The following SUSD4 variants were observed in gnomAD, a reference collection of about 807,000 sequenced individuals.
SUSD4 encodes the protein sushi domain-containing protein 4.
A neutral mutation model predicts 50.5 loss-of-function variants in SUSD4; 41 were observed. That is an observed-to-expected ratio of 0.81 (90% CI 0.63 to 1.05). The LOEUF (loss-of-function observed/expected upper bound fraction) is 1.05. SUSD4 is among the 50% of genes least tolerant of loss of function. The pLI is 0.00. For synonymous variants in SUSD4, 257 were observed against 257.3 expected, an observed-to-expected ratio of 1.00 and a Z score of 0.01; for missense variants, 580 against 634.7, an observed-to-expected ratio of 0.91 and a Z score of 0.93.
At chr1:223,364,688 G>C (rs1395857690), upstream of SUSD4, among the ~76,000 whole-genome samples, 5 of 151,688 alleles carry the variant, frequency 3.3e-5, no homozygotes, top group Non-Finnish European at 7.4e-5. This position sits in a 1 kb window ranked among gnomAD's most constrained non-coding sequence, Gnocchi z 4.5. Context: ...CGCGGCGCGG[G>C]AGAGCGCTCC....
intron 3 of SUSD4, among the ~76,000 whole-genome samples, chr1:223,272,691 T>C (rs1322969116): frequency 6.6e-6 from 1 of 152,192 alleles, no homozygotes; most frequent in Non-Finnish European, 1.5e-5. Context: ...GCTCAAGAGA[T>C]TCACAATCCA....
chr1:223,345,372 G>A (rs1242523501), intron 2 of SUSD4, among the ~76,000 whole-genome samples: 2 of 152,170 alleles, frequency 1.3e-5, no homozygotes, highest in East Asian at 3.9e-4. Flanking sequence ...GGCAAAGAGA[G>A]GTTCAAGGAC....
rs1321194141 is a variant in SUSD4 at position 223,227,751 on chromosome 1, G to A, written c.917-13C>T. 1.0e-5 allele frequency: 16 copies of A among 1,601,974 alleles called. No individual in the cohort carries two copies. The highest frequency in any genetic ancestry group is 2.6e-6 in the Non-Finnish European group (3 of 1,172,584). On this transcript the variant is annotated splice_polypyrimidine_tract_variant and intron_variant, in intron 6 of 8. Transcript: ENST00000366878. This position sits in a 1 kb window ranked among gnomAD's most constrained non-coding sequence, Gnocchi z 4.5. ...GGCCACGTTTGCTCTGCATGAGGGA[G>A]AACAAAGCTGTACGTGAGGCTCCCA...
At chr1:223,311,779 G>C (rs559959989) in intron 2 of SUSD4, among the ~76,000 whole-genome samples, 1 of 152,178 alleles carries the variant, frequency 6.6e-6, no homozygotes, top group Non-Finnish European at 1.5e-5. Context: ...AATGCAGACT[G>C]TACTATCATT....
intron 2 of SUSD4, among the ~76,000 whole-genome samples, chr1:223,298,278 G>C (rs1031657779): frequency 6.6e-6 from 1 of 152,174 alleles, no homozygotes; most frequent in Non-Finnish European, 1.5e-5. Flanking sequence ...CAATGGCACT[G>C]ACAGTCCCAG....
chr1:223,319,645 G>A (rs1666452358), intron 2 of SUSD4, among the ~76,000 whole-genome samples: 1 of 152,174 alleles, frequency 6.6e-6, no homozygotes, highest in Admixed American at 6.5e-5. Context: ...ACACAAGACA[G>A]ACTGGTTTTC....
At position 223,266,704 on chromosome 1, in the gene SUSD4, G is replaced by A. The variant is rs1214157012; in HGVS notation, c.535+1798C>T. ...CATTTGCACTTCTAGATAATAGAGA[G>A]AGGCCTCCTCAGGCTTTAGCTCCTG... On this transcript the variant is annotated intron_variant, in intron 4 of 8. Coordinates refer to ENST00000366878, the MANE Select transcript of SUSD4 (RefSeq NM_017982.4). 3.9e-5 allele frequency among the ~76,000 whole-genome samples: 6 copies of A among 152,362 alleles called. No individual in the cohort carries two copies. The East Asian group carries it at 1.2e-3, about 29-fold the overall frequency.
intron 5 of SUSD4, among the ~76,000 whole-genome samples, chr1:223,253,497 A>T (rs1010558255): frequency 6.6e-6 from 1 of 152,158 alleles, no homozygotes; most frequent in Non-Finnish European, 1.5e-5. Flanking sequence ...AAAGGCAGGG[A>T]ATTACGGCAA....
intron 2 of SUSD4, among the ~76,000 whole-genome samples, chr1:223,353,250 G>T (rs887667830): frequency 6.6e-6 from 1 of 152,152 alleles, no homozygotes; most frequent in Non-Finnish European, 1.5e-5. Context: ...TTTCACGGGG[G>T]TCAGGACCTG....
chr1:223,268,038 T>C (rs913368124), intron 4 of SUSD4, among the ~76,000 whole-genome samples: 1 of 93,394 alleles, frequency 1.1e-5, no homozygotes, highest in Non-Finnish European at 2.5e-5. Flanking sequence ...TATATATATA[T>C]ATATACACAC....
At chr1:223,250,413 A>T (rs1056542084) in intron 5 of SUSD4, among the ~76,000 whole-genome samples, 8 of 152,156 alleles carry the variant, frequency 5.3e-5, no homozygotes, top group Admixed American at 1.3e-4. Context: ...CCTAACAACA[A>T]TTTTGCAGAG....
intron 7 of SUSD4, 131 bp from the exon 8 acceptor site, chr1:223,223,762 A>C (rs1247402155): frequency 5.2e-6 from 6 of 1,144,126 alleles, no homozygotes; most frequent in Non-Finnish European, 7.1e-6. Flanking sequence ...GGAGGATAAT[A>C]TGGAAGAACC....
At chr1:223,331,795 T>C (rs928077149) in intron 2 of SUSD4, among the ~76,000 whole-genome samples, 1 of 152,164 alleles carries the variant, frequency 6.6e-6, no homozygotes, top group Non-Finnish European at 1.5e-5. Context: ...CCCAGCCTGG[T>C]GGTGTCAACT....
At chr1:223,228,581 G>C (rs924087386) in intron 6 of SUSD4, among the ~76,000 whole-genome samples, 3 of 152,202 alleles carry the variant, frequency 2.0e-5, no homozygotes, top group African/African-American at 7.2e-5. Context: ...GGCCAGTGGG[G>C]AAGGTGGTTT....
intron 5 of SUSD4, among the ~76,000 whole-genome samples, chr1:223,235,909 A>G (rs860372): frequency 0.064 from 9,734 of 152,234 alleles, 821 homozygotes; most frequent in African/African-American, 0.2. Context: ...TCATGTAAGA[A>G]TACATTTAGT....
intron 5 of SUSD4, among the ~76,000 whole-genome samples, chr1:223,261,719 T>C (rs969877139): frequency 1.3e-5 from 2 of 152,198 alleles, no homozygotes; most frequent in Non-Finnish European, 2.9e-5. Flanking sequence ...ACAGTGTACA[T>C]GTCTAAAAGT....
chr1:223,232,430 G>A (rs774586428), intron 5 of SUSD4, among the ~76,000 whole-genome samples: 24 of 152,138 alleles, frequency 1.6e-4, no homozygotes, highest in Non-Finnish European at 4.4e-5. Flanking sequence ...AGAAAAAGAG[G>A]TACACAGAGC....
chr1:223,339,115 CAGG>C (rs1667615376), intron 2 of SUSD4, among the ~76,000 whole-genome samples: 1 of 152,120 alleles, frequency 6.6e-6, no homozygotes, highest in Non-Finnish European at 1.5e-5. Context: ...CTGGCAGTCA[CAGG>C]AGGAGACCGT....
chr1:223,236,122 C>T (rs1660202240), intron 5 of SUSD4, among the ~76,000 whole-genome samples: 1 of 152,288 alleles, frequency 6.6e-6, no homozygotes, highest in South Asian at 2.1e-4. Context: ...CTTGAAGCAT[C>T]TTTTCATATG....
Sources: gnomAD v4.1 joint callset for allele counts (sites outside exome capture counted in the v4.1 genomes callset) on GRCh38, gnomAD v4.1.1 for gene constraint, Gnocchi (gnomAD v3.1) non-coding constraint, MANE v1.5 for transcripts, NCBI Gene and HGNC (gene_info 2026-07-23, HGNC 2026-07-21) for gene names.